The following PC variants were observed in gnomAD, a reference collection of about 807,000 sequenced individuals.
The protein encoded by PC is pyruvate carboxylase, mitochondrial.
In PC, 46 loss-of-function variants were observed where a neutral mutation model predicts 107.8. That is an observed-to-expected ratio of 0.43 (90% CI 0.34 to 0.55). PC has a LOEUF of 0.55. Among genes scored for constraint, PC ranks in the 20% least tolerant of loss-of-function variants. The pLI is 0.04. For synonymous variants in PC, 662 were observed against 684.7 expected (o/e 0.97, Z 0.52); for missense variants, 1,241 against 1,643.1 (o/e 0.76, Z 4.23).
At chr11:66,914,217 A>G (rs539649878) in intron 3 of PC, among the ~76,000 whole-genome samples, 76 of 152,296 alleles carry the variant, frequency 5.0e-4, no homozygotes, top group African/African-American at 1.7e-3. Flanking sequence ...CCAGGAAAAA[A>G]GAAAGGCTTT....
chr11:66,939,812 A>C (rs2136129002), intron 3 of PC, among the ~76,000 whole-genome samples: 1 of 150,218 alleles, frequency 6.7e-6, no homozygotes, highest in South Asian at 2.1e-4. Flanking sequence ...CTCAAAAAAA[A>C]AAAAAAAAAA....
intron 3 of PC, among the ~76,000 whole-genome samples, chr11:66,909,352 G>A (rs1276278275): frequency 6.6e-6 from 1 of 152,160 alleles, no homozygotes; most frequent in Non-Finnish European, 1.5e-5. Flanking sequence ...GGTCATACTC[G>A]TCATGGACCC....
intron 3 of PC, among the ~76,000 whole-genome samples, chr11:66,913,578 C>G (rs1948394638): frequency 1.3e-5 from 2 of 151,172 alleles, no homozygotes; most frequent in South Asian, 4.2e-4. Context: ...AGGAGAATCT[C>G]TTGAACCTGG....
intron 3 of PC, among the ~76,000 whole-genome samples, chr11:66,895,406 G>C (rs1591244060): frequency 6.6e-6 from 1 of 152,188 alleles, no homozygotes; most frequent in East Asian, 1.9e-4. Flanking sequence ...TCCCTGGGCA[G>C]ATTCATTCAA....
At chr11:66,923,367 C>T (rs1306984816) in intron 3 of PC, among the ~76,000 whole-genome samples, 8 of 125,358 alleles carry the variant, frequency 6.4e-5, no homozygotes, top group African/African-American at 1.5e-4. Flanking sequence ...GGAGATAGAG[C>T]GAGACTCCGT....
intron 3 of PC, among the ~76,000 whole-genome samples, chr11:66,942,569 C>T (rs1309980474): frequency 6.6e-6 from 1 of 151,816 alleles, no homozygotes; most frequent in Non-Finnish European, 1.5e-5. Context: ...TGGTGGGTGC[C>T]AGGGGCTTGG....
chr11:66,943,283 A>G (rs1949194147), intron 3 of PC, among the ~76,000 whole-genome samples: 1 of 148,134 alleles, frequency 6.8e-6, no homozygotes, highest in African/African-American at 2.5e-5. Context: ...AGTCGGAGGA[A>G]AAAAAAAAAA....
Position 66,858,101 on chromosome 11 carries a change from C to A in PC, c.1369-4718G>T, listed in dbSNP as rs1288171985. On this transcript the variant is annotated intron_variant, in intron 12 of 22. Coordinates refer to ENST00000393960, the MANE Select transcript of PC (RefSeq NM_001040716.2). This position sits in a 1 kb window ranked among gnomAD's most constrained non-coding sequence, Gnocchi z 5.9. ...TGGGCACCGGGAGCCTCCGGGGCCCCGTCAATCTGCAGCACCTCATCCTCA... is the reference window on the plus strand; with the variant it reads ...TGGGCACCGGGAGCCTCCGGGGCCCAGTCAATCTGCAGCACCTCATCCTCA... 7.5e-6 allele frequency: 12 copies of A among 1,609,796 alleles called. No individual in the cohort carries two copies. The highest frequency in any genetic ancestry group is 9.3e-6 in the Non-Finnish European group (11 of 1,178,394).
chr11:66,946,356 T>G (rs1718894876), intron 3 of PC, among the ~76,000 whole-genome samples: 1 of 151,460 alleles, frequency 6.6e-6, no homozygotes, highest in Non-Finnish European at 1.5e-5. Flanking sequence ...AAAGGCCAGG[T>G]GCAGTGGCTC....
chr11:66,911,762 G>A (rs1948339329), intron 3 of PC, among the ~76,000 whole-genome samples: 1 of 152,186 alleles, frequency 6.6e-6, no homozygotes, highest in Admixed American at 6.5e-5. Context: ...GCTGGGCATG[G>A]CGGCTCACAC....
chr11:66,898,487 C>T (rs1056081198), intron 3 of PC, among the ~76,000 whole-genome samples: 7 of 152,152 alleles, frequency 4.6e-5, no homozygotes, highest in African/African-American at 7.2e-5. Context: ...TAAGACCAGC[C>T]TGGCCAACAT....
intron 3 of PC, among the ~76,000 whole-genome samples, chr11:66,928,714 G>A (rs868573211): frequency 3.3e-5 from 5 of 151,808 alleles, no homozygotes; most frequent in South Asian, 2.1e-4. Flanking sequence ...TAGTATAGAC[G>A]GGGTTTCTCC....
At position 66,851,179 on chromosome 11, in the gene PC, C is replaced by G. The variant is rs759992061; in HGVS notation, c.2084G>C (p.Ser695Thr). 6.2e-7 allele frequency: 1 copy of G among 1,611,504 alleles called. No individual in the cohort carries two copies. Among genetic ancestry groups the G allele is most frequent in the African/African-American group, 1.3e-5 (1 of 75,070 alleles). ...GGCAGCCTCCACCACGCCTCCGGCA[C>G]TTCCTGCCGCCTCCATGCCCAGCAG... ...NMLLGMEAAG[S>T]AGGVVEAAIS... The change falls in exon 17 of 23, where the codon AGT becomes ACT. Residue 695 changes from serine (S) to threonine (T), a missense_variant. Physicochemically the swap from Ser to Thr is moderately conservative, Grantham distance 58. Around this residue, in one of 2 missense-constraint regions of PC, gnomAD observed 1,143 missense variants for 1,551.9 expected, o/e 0.74. Coordinates refer to ENST00000393960, the MANE Select transcript of PC (RefSeq NM_001040716.2).
chr11:66,874,013 G>A (rs1167064557), intron 3 of PC, among the ~76,000 whole-genome samples: 9 of 151,392 alleles, frequency 5.9e-5, no homozygotes, highest in Non-Finnish European at 8.8e-5. Context: ...AGGCTGGAGC[G>A]CAATGGTGCG....
chr11:66,850,255 C>T lies in PC; in HGVS notation c.2683G>A (p.Val895Met), dbSNP rs757588704. 6.8e-6 allele frequency: 11 copies of T among 1,614,124 alleles called. No homozygotes were observed. Among genetic ancestry groups the T allele is most frequent in the Admixed American group, 1.7e-5 (1 of 60,026 alleles). ...TCGCCCAGCATCTGGTTGGCCTCCA[C>T]ATAGGCCTTCTTGACCTCCTTGAAC... ...SKFKEVKKAY[V>M]EANQMLGDLI... Residue 895 changes from valine (V) to methionine (M), a missense_variant, in exon 19 of 23, where the codon GTG (valine) becomes ATG (methionine). Around this residue, in one of 2 missense-constraint regions of PC, gnomAD observed 1,143 missense variants for 1,551.9 expected, o/e 0.74. Transcript: ENST00000393960.
chr11:66,848,715 G>A lies in PC; in HGVS notation c.*184C>T, dbSNP rs761735399. ...ATGAACATGTAAGCAGCTGTCCGCC[G>A]GAGGAAAGGACGATGGCTGAAAGGA... On this transcript the variant is annotated 3_prime_UTR_variant, in exon 23 of 23. Coordinates refer to ENST00000393960, the MANE Select transcript of PC (RefSeq NM_001040716.2). 3.9e-5 allele frequency: 27 copies of A among 701,080 alleles called. No homozygotes were observed. Among genetic ancestry groups the A allele is most frequent in the African/African-American group, 1.4e-4 (8 of 56,456 alleles). 43.4% of individuals were successfully genotyped at this position (701,080 alleles called of 1,614,324 possible).
intron 3 of PC, among the ~76,000 whole-genome samples, chr11:66,894,479 A>AT (rs1364464171): frequency 6.6e-6 from 1 of 152,178 alleles, no homozygotes; most frequent in Non-Finnish European, 1.5e-5. Context: ...ATATATATAT[A>AT]TTTTTAAAGC....
At chr11:66,954,814 G>C (rs1454988917) in intron 1 of PC, among the ~76,000 whole-genome samples, 1 of 152,046 alleles carries the variant, frequency 6.6e-6, no homozygotes, top group Non-Finnish European at 1.5e-5. Context: ...CAAAGGGTTG[G>C]TGCCTGTAAT....
At chr11:66,859,504 C>T (rs1456628967) in intron 12 of PC, 5 of 1,508,284 alleles carry the variant, frequency 3.3e-6, no homozygotes, top group Middle Eastern at 2.2e-4. Context: ...AGCCTGTTCA[C>T]CTTCCTGAGT....
Sources: allele counts gnomAD v4.1 joint callset (sites outside exome capture counted in the v4.1 genomes callset), GRCh38; gene constraint gnomAD v4.1.1; regional missense constraint gnomAD v4.1.1; non-coding constraint Gnocchi (gnomAD v3.1); transcripts MANE v1.5; gene names NCBI Gene and HGNC (gene_info 2026-07-23, HGNC 2026-07-21).